Variants in NAALADL2 observed in about 807,000 individuals in gnomAD.
The protein encoded by NAALADL2 is inactive N-acetylated-alpha-linked acidic dipeptidase-like protein 2.
A neutral mutation model predicts 87.2 loss-of-function variants in NAALADL2; 76 were observed. That is an observed-to-expected ratio of 0.87 (90% confidence interval 0.72 to 1.05). The LOEUF (loss-of-function observed/expected upper bound fraction) is 1.05, where lower values mean the gene tolerates loss of function less well. NAALADL2 is among the 50% of genes least tolerant of loss of function. NAALADL2 has a pLI of 0.00. For missense variants in NAALADL2, 1,089 were observed against 945.8 expected (o/e 1.15, Z -1.99); for synonymous variants, 354 against 331.0 (o/e 1.07, Z -0.75).
At chr3:175,269,456 A>G (rs779257817) in intron 4 of NAALADL2, among the ~76,000 whole-genome samples, 13 of 152,156 alleles carry the variant, frequency 8.5e-5, no homozygotes, top group Non-Finnish European at 1.3e-4. Flanking sequence ...ACGTTAGGAC[A>G]CTCTGATGTC....
At chr3:175,044,105 T>A (rs1472322722) in intron 1 of NAALADL2, among the ~76,000 whole-genome samples, 2 of 152,184 alleles carry the variant, frequency 1.3e-5, no homozygotes, top group East Asian at 3.9e-4. Context: ...TATTCCTAAG[T>A]ATCTTATTCT....
chr3:175,598,364 T>C (rs533141510), intron 10 of NAALADL2, among the ~76,000 whole-genome samples: 1 of 151,296 alleles, frequency 6.6e-6, no homozygotes, highest in South Asian at 2.1e-4. Context: ...TTTTTTTTTG[T>C]AAATGCTATT....
intron 8 of NAALADL2, among the ~76,000 whole-genome samples, 178 bp downstream of exon 8, chr3:175,467,362 C>G (rs922660365): frequency 6.8e-6 from 1 of 148,108 alleles, no homozygotes; most frequent in African/African-American, 2.6e-5. Flanking sequence ...CCACAGCAAA[C>G]TACGTATGAC....
intron 10 of NAALADL2, among the ~76,000 whole-genome samples, chr3:175,580,474 G>A (rs1166508623): frequency 1.3e-5 from 2 of 152,050 alleles, no homozygotes; most frequent in Non-Finnish European, 2.9e-5. Context: ...ATTTGGAACT[G>A]AGTCATAATC....
Position 175,362,311 on chromosome 3 carries a change from G to A in NAALADL2, c.1090+37986G>A, listed in dbSNP as rs1188917157. Among the ~76,000 whole-genome samples the A allele has an allele frequency of 2.0e-5, 3 of 147,958 alleles. 1 individual carries two copies. Among genetic ancestry groups the A allele is most frequent in the Non-Finnish European group, 4.5e-5 (3 of 66,602 alleles). ...GAAGTCAGGTAGCGTGATGCCTCCA[G>A]CTTTGTTCTTTTGGCTTAGGATTGT... On this transcript the variant is annotated intron_variant, in intron 5 of 13. Coordinates refer to ENST00000454872, the MANE Select transcript of NAALADL2 (RefSeq NM_207015.3).
chr3:175,457,685 A>ATTT lies in NAALADL2; in HGVS notation c.1235-5700_1235-5698dup, dbSNP rs763515080. Among the ~76,000 whole-genome samples, 84 of 131,450 alleles carry ATTT rather than the reference A, an allele frequency of 6.4e-4. 2 individuals carry two copies. Among genetic ancestry groups the ATTT allele is most frequent in the Admixed American group, 1.3e-3 (16 of 12,288 alleles). The allele number at this position is 131,450 out of a possible 152,430, so 86.2% of individuals were successfully genotyped here. On this transcript the variant is annotated intron_variant, in intron 6 of 13. Transcript: ENST00000454872. ...AGGCATGCACCACCATGTCTGGCTA[A>ATTT]TTTTTTTTTTTTTTTTTTGTAGAGA...
chr3:175,527,735 TC>T (rs1159705174), intron 9 of NAALADL2, among the ~76,000 whole-genome samples: 2 of 152,170 alleles, frequency 1.3e-5, no homozygotes, highest in African/African-American at 2.4e-5. Flanking sequence ...ATGCTGTACA[TC>T]CCCAAAACAT....
At chr3:174,442,983 C>T (rs546405729) in intron 1 of NAALADL2, among the ~76,000 whole-genome samples, 1 of 152,152 alleles carries the variant, frequency 6.6e-6, no homozygotes, top group East Asian at 1.9e-4. Flanking sequence ...AGCAAAGAAG[C>T]TTGTGTAGCT....
intron 2 of NAALADL2, among the ~76,000 whole-genome samples, chr3:174,694,865 C>T (rs1448267695): frequency 6.6e-6 from 1 of 151,768 alleles, no homozygotes; most frequent in African/African-American, 2.4e-5. Context: ...TAAGTACTGC[C>T]CATTAATATT....
At chr3:175,438,781 T>C (rs1719185430) in intron 5 of NAALADL2, among the ~76,000 whole-genome samples, 1 of 152,184 alleles carries the variant, frequency 6.6e-6, no homozygotes, top group South Asian at 2.1e-4. Flanking sequence ...AAGTTTATTT[T>C]TGAGTAAAAG....
rs3830593 is a variant in NAALADL2, at chr3:174,841,038, TAAAAAA to T, written c.-9+103296_-9+103301del. On this transcript the variant is annotated intron_variant, in intron 3 of 3. Coordinates refer to the NAALADL2 transcript ENST00000434257. ...GCATGTTATGCCACTTTGACTTTATTAAAAAAAAAGAAGAAGAAGAAGAAAAGGAAG... is the reference window on the plus strand; with the variant it reads ...GCATGTTATGCCACTTTGACTTTATTAAAGAAGAAGAAGAAGAAAAGGAAG... 9.2e-3 allele frequency among the ~76,000 whole-genome samples: 1,359 copies of T among 146,924 alleles called. 17 individuals are homozygous for T. Among genetic ancestry groups the T allele is most frequent in the African/African-American group, 0.032 (1,284 of 39,966 alleles).
At chr3:175,416,713 C>A (rs1384672371) in intron 5 of NAALADL2, among the ~76,000 whole-genome samples, 2 of 151,982 alleles carry the variant, frequency 1.3e-5, no homozygotes, top group South Asian at 4.1e-4. Context: ...AAACTTTTAG[C>A]CCTTAAGGCT....
At chr3:174,645,550 C>T (rs1478331858) in intron 2 of NAALADL2, among the ~76,000 whole-genome samples, 2 of 152,092 alleles carry the variant, frequency 1.3e-5, no homozygotes, top group Non-Finnish European at 2.9e-5. Context: ...TGTTTTCTCC[C>T]TACAAAAAGG....
At chr3:174,490,649 G>A (rs1303947066) in intron 1 of NAALADL2, among the ~76,000 whole-genome samples, 3 of 152,040 alleles carry the variant, frequency 2.0e-5, no homozygotes, top group East Asian at 1.9e-4. Flanking sequence ...CAAATGGAGC[G>A]TGTAGAGGAG....
intron 9 of NAALADL2, among the ~76,000 whole-genome samples, chr3:175,511,973 G>T (rs1280306107): frequency 6.6e-6 from 1 of 152,176 alleles, no homozygotes; most frequent in East Asian, 1.9e-4. Context: ...TGGGCATGGT[G>T]CCTAATGCCT....
At chr3:174,878,044 CAAAG>C (rs971150176) in intron 1 of NAALADL2, among the ~76,000 whole-genome samples, 1 of 151,946 alleles carries the variant, frequency 6.6e-6, no homozygotes, top group African/African-American at 2.4e-5. Context: ...ATGAACTTAA[CAAAG>C]AAAACAGTGA....
chr3:175,674,234 T>G (rs1421983131), intron 11 of NAALADL2, among the ~76,000 whole-genome samples: 2 of 151,530 alleles, frequency 1.3e-5, no homozygotes, highest in South Asian at 4.2e-4. Context: ...AAAAGTGATT[T>G]CCAACTGATA....
At chr3:175,758,622 C>T (rs561528110) in intron 13 of NAALADL2, among the ~76,000 whole-genome samples, 4 of 151,968 alleles carry the variant, frequency 2.6e-5, no homozygotes, top group African/African-American at 7.2e-5. Flanking sequence ...ATAGGATTTC[C>T]ACTCTCAATG....
At chr3:175,282,251 T>C (rs1051714453) in intron 4 of NAALADL2, among the ~76,000 whole-genome samples, 1 of 152,062 alleles carries the variant, frequency 6.6e-6, no homozygotes, top group African/African-American at 2.4e-5. Flanking sequence ...AATCAATATG[T>C]GATGATTATA....
Sources: gnomAD v4.1 joint callset for allele counts (sites outside exome capture counted in the v4.1 genomes callset) on GRCh38, gnomAD v4.1.1 for gene constraint, MANE v1.5 for transcripts, NCBI Gene and HGNC (gene_info 2026-07-23, HGNC 2026-07-21) for gene names.